Variants in LYPLAL1 observed in about 807,000 individuals in gnomAD.
LYPLAL1 encodes the protein lysophospholipase-like protein 1.
LYPLAL1 carries 23 observed loss-of-function variants against 19.7 expected under a neutral mutation model. The ratio of observed to expected loss-of-function variants is 1.17; its 90% CI spans 0.84 to 1.65. LYPLAL1 has a LOEUF of 1.65. Ranked by LOEUF, LYPLAL1 falls within the 40% of genes most tolerant of loss-of-function variation. The pLI, the probability that LYPLAL1 is intolerant of heterozygous loss-of-function variation, is 0.00. For missense variants in LYPLAL1, 355 were observed against 279.4 expected (o/e 1.27, Z -1.93); for synonymous variants, 119 against 96.3 (o/e 1.24, Z -1.38).
At chr1:219,181,826 T>C (rs1656318127) in intron 2 of LYPLAL1, among the ~76,000 whole-genome samples, 1 of 152,090 alleles carries the variant, frequency 6.6e-6, no homozygotes, top group Non-Finnish European at 1.5e-5. Flanking sequence ...GTTTATATGA[T>C]ACTTACTTCT....
At chr1:219,196,685 A>G (rs538912136) in intron 3 of LYPLAL1, among the ~76,000 whole-genome samples, 1 of 152,272 alleles carries the variant, frequency 6.6e-6, no homozygotes, top group African/African-American at 2.4e-5. Flanking sequence ...AGTGTGTTCA[A>G]ATAGGAAGAG....
the LYPLAL1 span, among the ~76,000 whole-genome samples, chr1:219,336,459 T>G: frequency 6.6e-6 from 1 of 151,912 alleles, no homozygotes; most frequent in African/African-American, 2.4e-5. Flanking sequence ...AGACAGTACC[T>G]GGGATATGTT....
Position 219,196,501 on chromosome 1 carries a change from G to A in LYPLAL1, c.361+3250G>A, listed in dbSNP as rs565279713. 5.9e-5 allele frequency among the ~76,000 whole-genome samples: 9 copies of A among 151,918 alleles called. No individual in the cohort carries two copies. The South Asian group carries it at 1.7e-3, about 28-fold the overall frequency. ...GCATAAGTGTATTCTTTTGAGAAAT[G>A]TCTGAAGAGTCATTTATGACAAACC... On this transcript the variant is annotated intron_variant, in intron 3 of 4. Transcript: ENST00000366928.
At chr1:219,364,100 A>G in the LYPLAL1 span, among the ~76,000 whole-genome samples, 1 of 152,176 alleles carries the variant, frequency 6.6e-6, no homozygotes, top group East Asian at 1.9e-4. Context: ...CTATTAATTT[A>G]TCTTGGGACC....
At chr1:219,325,222 C>G in the LYPLAL1 span, among the ~76,000 whole-genome samples, 1 of 152,202 alleles carries the variant, frequency 6.6e-6, no homozygotes, top group African/African-American at 2.4e-5. Flanking sequence ...TTACTCACCT[C>G]TTTCCAAAGG....
At chr1:219,278,100 A>G in the LYPLAL1 span, among the ~76,000 whole-genome samples, 36,923 of 152,184 alleles carry the variant, frequency 0.24, 4,670 homozygotes, top group Non-Finnish European at 0.29. Context: ...CAGTGCCAAC[A>G]TCCTCATTTT....
At chr1:219,216,168 C>A (rs1420780429), downstream of LYPLAL1, among the ~76,000 whole-genome samples, 1 of 151,696 alleles carries the variant, frequency 6.6e-6, no homozygotes, top group African/African-American at 2.4e-5. Context: ...TAATCTCTGC[C>A]TTTTTGAATA....
At chr1:219,348,147 G>A in the LYPLAL1 span, among the ~76,000 whole-genome samples, 9 of 152,176 alleles carry the variant, frequency 5.9e-5, no homozygotes, top group African/African-American at 2.2e-4. Context: ...TAAAACAAAC[G>A]CAGCTCTGCT....
At chr1:219,233,909 G>T in the LYPLAL1 span, among the ~76,000 whole-genome samples, 1 of 152,156 alleles carries the variant, frequency 6.6e-6, no homozygotes, top group African/African-American at 2.4e-5. Flanking sequence ...CTCTAAGTAT[G>T]ACCATACATA....
the LYPLAL1 span, among the ~76,000 whole-genome samples, chr1:219,423,700 C>T: frequency 6.6e-6 from 1 of 152,042 alleles, no homozygotes; most frequent in Non-Finnish European, 1.5e-5. Flanking sequence ...TAGAACCTCA[C>T]AATAACCCTG....
chr1:219,286,470 A>G, the LYPLAL1 span, among the ~76,000 whole-genome samples: 43 of 152,188 alleles, frequency 2.8e-4, no homozygotes, highest in Non-Finnish European at 5.0e-4. Context: ...AGGTCAGTCA[A>G]GGTCACTAAG....
At chr1:219,312,713 C>A in the LYPLAL1 span, among the ~76,000 whole-genome samples, 1 of 152,112 alleles carries the variant, frequency 6.6e-6, no homozygotes, top group Admixed American at 6.5e-5. Flanking sequence ...GGATTTTTGT[C>A]CCAAATCTAA....
chr1:219,230,936 C>G, the LYPLAL1 span, among the ~76,000 whole-genome samples: 1 of 152,212 alleles, frequency 6.6e-6, no homozygotes, highest in Non-Finnish European at 1.5e-5. Context: ...CTTGACCACC[C>G]ACCCACGTGG....
the LYPLAL1 span, among the ~76,000 whole-genome samples, chr1:219,340,669 C>T: frequency 1.3e-5 from 2 of 151,952 alleles, no homozygotes; most frequent in Non-Finnish European, 2.9e-5. Flanking sequence ...CTGCTTTTAA[C>T]GAAGTTGAAT....
chr1:219,342,351 T>C, the LYPLAL1 span, among the ~76,000 whole-genome samples: 1 of 152,182 alleles, frequency 6.6e-6, no homozygotes, highest in Non-Finnish European at 1.5e-5. Context: ...TTAGTGATTA[T>C]TTAAAATGAT....
At chr1:219,291,282 A>G in the LYPLAL1 span, among the ~76,000 whole-genome samples, 1 of 152,218 alleles carries the variant, frequency 6.6e-6, no homozygotes, top group Non-Finnish European at 1.5e-5. Context: ...TGATGCAGAT[A>G]TAGTCAGTTT....
chr1:219,319,559 C>T, the LYPLAL1 span, among the ~76,000 whole-genome samples: 19 of 152,098 alleles, frequency 1.2e-4, no homozygotes, highest in African/African-American at 3.6e-4. Flanking sequence ...ACCTTTTCTC[C>T]GCACTCCTCT....
the LYPLAL1 span, among the ~76,000 whole-genome samples, chr1:219,267,990 C>T: frequency 6.6e-6 from 1 of 152,178 alleles, no homozygotes; most frequent in Non-Finnish European, 1.5e-5. Context: ...AGCTTTTCAA[C>T]TCCTAACATA....
chr1:219,323,176 C>A, the LYPLAL1 span, among the ~76,000 whole-genome samples: 1 of 152,096 alleles, frequency 6.6e-6, no homozygotes, highest in Non-Finnish European at 1.5e-5. Flanking sequence ...GGAAAAGTCA[C>A]CATATGCACA....
Sources: gnomAD v4.1 joint callset for allele counts (sites outside exome capture counted in the v4.1 genomes callset) on GRCh38, gnomAD v4.1.1 for gene constraint, MANE v1.5 for transcripts, NCBI Gene and HGNC (gene_info 2026-07-23, HGNC 2026-07-21) for gene names.